Variants in CFAP43 observed in about 807,000 individuals in gnomAD.
CFAP43 encodes cilia- and flagella-associated protein 43.
CFAP43 carries 155 observed loss-of-function variants against 218.9 expected under a neutral mutation model. That is an observed-to-expected ratio of 0.71 (90% CI 0.62 to 0.81). The LOEUF (loss-of-function observed/expected upper bound fraction) is 0.81. Ranked by LOEUF, CFAP43 falls within the 30% of genes least tolerant of loss-of-function variation. CFAP43 has a pLI of 0.00. For missense variants in CFAP43, 1,778 were observed against 1,954.3 expected, an observed-to-expected ratio of 0.91 and a Z score of 1.70; for synonymous variants, 645 against 681.3, an observed-to-expected ratio of 0.95 and a Z score of 0.83.
intron 34 of CFAP43, 48 bp from the exon 35 acceptor site, chr10:104,133,832 G>C: frequency 6.9e-7 from 1 of 1,454,192 alleles, no homozygotes; most frequent in Non-Finnish European, 9.3e-7. Context: ...TCTGCATATA[G>C]AACATAGAAT....
chr10:104,131,715 G>T (rs1431924708), intron 36 of CFAP43, among the ~76,000 whole-genome samples: 2 of 152,106 alleles, frequency 1.3e-5, no homozygotes, highest in Admixed American at 1.3e-4. Context: ...TAAACTGAGA[G>T]AATATTTTAA....
chr10:104,155,713 ATG>A (rs955871638), intron 27 of CFAP43, among the ~76,000 whole-genome samples: 6 of 152,154 alleles, frequency 3.9e-5, no homozygotes, highest in African/African-American at 1.4e-4. Context: ...AGTGGTGAGA[ATG>A]TGAGTCATGT....
intron 37 of CFAP43, 140 bp from the exon 38 acceptor site, chr10:104,130,445 C>A: frequency 2.0e-6 from 2 of 979,928 alleles, no homozygotes; most frequent in Non-Finnish European, 2.9e-6. Flanking sequence ...AGCACTATCA[C>A]AAAAGCAAAG....
rs1259904960 is a variant in CFAP43, at chr10:104,196,925, T to C, written c.1221A>G (p.Thr407=). The change falls in exon 10 of 38, where the codon ACA becomes ACG. Residue 407 remains threonine (T), a synonymous_variant. Coordinates refer to ENST00000357060, the MANE Select transcript of CFAP43 (RefSeq NM_025145.7). ...TPGTQYFMTL[T]YSGEICVWWL... is the part of the protein sequence containing the mutation. ...ACCAAACACAAATTTCCCCTGAATA[T>C]GTAAGTGTCTGTAAAAAAAGAAAAA... is the stretch of plus-strand genomic sequence containing the variant. 11 of 1,608,404 alleles carry C rather than the reference T, an allele frequency of 6.8e-6. No individual in the cohort carries two copies. The highest frequency in any genetic ancestry group is 1.7e-5 in the Admixed American group (1 of 58,742).
intron 17 of CFAP43, among the ~76,000 whole-genome samples, chr10:104,181,285 T>C (rs1429358334): frequency 6.6e-6 from 1 of 152,164 alleles, no homozygotes; most frequent in Non-Finnish European, 1.5e-5. Flanking sequence ...CAGTGAGTTC[T>C]ATCAACCCTA....
intron 33 of CFAP43, among the ~76,000 whole-genome samples, chr10:104,142,053 CT>C (rs1564714334): frequency 6.6e-6 from 1 of 152,154 alleles, no homozygotes; most frequent in Non-Finnish European, 1.5e-5. Context: ...TAAGATTTTT[CT>C]GAAACTTGCT....
At chr10:104,148,048 C>A (rs754865115) in intron 28 of CFAP43, 50 bp from the exon 29 acceptor site, 3 of 1,234,358 alleles carry the variant, frequency 2.4e-6, no homozygotes, top group Non-Finnish European at 3.3e-6. Context: ...CCACCTGAGA[C>A]AATATTTTCT....
At chr10:104,221,192 C>G (rs1589811745) in intron 3 of CFAP43, among the ~76,000 whole-genome samples, 2 of 152,308 alleles carry the variant, frequency 1.3e-5, no homozygotes, top group East Asian at 3.9e-4. Flanking sequence ...CCAGGCTGGT[C>G]TCGAACTCCT....
Position 104,206,098 on chromosome 10 carries a change from A to G in CFAP43, c.896-68T>C, listed in dbSNP as rs1453151300. On this transcript the variant is annotated intron_variant, in intron 6 of 37. Transcript: ENST00000357060. ...AAAGTACAATGTAACAATGAATAATAAAAGCTACTTTTACTGATGTAAATC... is the reference window on the plus strand; with the variant it reads ...AAAGTACAATGTAACAATGAATAATGAAAGCTACTTTTACTGATGTAAATC... The G allele has an allele frequency of 7.2e-6, 9 of 1,258,074 alleles. No homozygotes were observed. The South Asian group carries it at 1.1e-4, about 15-fold the overall frequency. The allele number at this position is 1,258,074 out of a possible 1,614,324, so 77.9% of individuals were successfully genotyped here.
intron 3 of CFAP43, 128 bp from the exon 4 acceptor site, chr10:104,214,554 TTAA>T: frequency 1.2e-6 from 1 of 807,202 alleles, no homozygotes; most frequent in Non-Finnish European, 1.8e-6. Flanking sequence ...ATCAATGACC[TTAA>T]TGTCAAATTT....
At chr10:104,226,715 C>T (rs750974333) in intron 2 of CFAP43, among the ~76,000 whole-genome samples, 10 of 151,846 alleles carry the variant, frequency 6.6e-5, no homozygotes, top group Non-Finnish European at 1.3e-4. Flanking sequence ...CTATACTAGC[C>T]ATAGATTAAA....
intron 2 of CFAP43, among the ~76,000 whole-genome samples, chr10:104,227,334 T>G (rs1000450957): frequency 2.0e-5 from 3 of 152,202 alleles, no homozygotes; most frequent in African/African-American, 2.4e-5. Flanking sequence ...GTGAGTATAC[T>G]GGGTCAAATA....
intron 27 of CFAP43, among the ~76,000 whole-genome samples, chr10:104,159,967 G>A (rs1158719228): frequency 2.0e-5 from 3 of 152,132 alleles, no homozygotes; most frequent in Non-Finnish European, 4.4e-5. Context: ...GTAGCATTGC[G>A]GACCAGCTCT....
At chr10:104,162,101 C>T (rs1489473321) in intron 25 of CFAP43, 60 bp from the exon 26 acceptor site, 13 of 1,545,240 alleles carry the variant, frequency 8.4e-6, no homozygotes, top group Non-Finnish European at 1.1e-5. Context: ...TTCCAGGTGG[C>T]TCCAGAGGCA....
At chr10:104,197,479 C>A (rs1262046770) in intron 9 of CFAP43, among the ~76,000 whole-genome samples, 4 of 152,202 alleles carry the variant, frequency 2.6e-5, no homozygotes, top group African/African-American at 7.2e-5. Context: ...ATGTATTATA[C>A]ATGGCAACTA....
At position 104,133,627 on chromosome 10, in the gene CFAP43, C is replaced by A. The variant is rs745413621; in HGVS notation, c.4589G>T (p.Arg1530Leu). 1.9e-6 allele frequency: 3 copies of A among 1,610,048 alleles called. No homozygotes were observed. Among genetic ancestry groups the A allele is most frequent in the Non-Finnish European group, 2.5e-6 (3 of 1,178,688 alleles). ...GGGGTAGGGAGAATTTACCTTTTGA[C>A]GATCTCTTGAAAAAAATAGCATCTG... ...DIQMLFFSRD[R>L]QKYLNEPNYE... Residue 1530 changes from arginine to leucine, a missense_variant, in exon 35 of 38, where the codon CGT (arginine) becomes CTT (leucine). Transcript: ENST00000357060.
rs764089434 is a variant in CFAP43, at chr10:104,197,971, C to T, written c.1163G>A (p.Gly388Glu). The T allele has an allele frequency of 1.9e-5, 30 of 1,613,782 alleles. No individual in the cohort carries two copies. Among genetic ancestry groups the T allele is most frequent in the Non-Finnish European group, 2.5e-5 (29 of 1,179,792 alleles). The change falls in exon 9 of 38, where the codon GGG becomes GAG. Residue 388 changes from glycine (G) to glutamate (E), a missense_variant. Physicochemically the swap from Gly to Glu is moderately conservative, Grantham distance 98. Around this residue, in one of 3 missense-constraint regions of CFAP43, gnomAD observed 1,553 missense variants for 1,685.2 expected, o/e 0.92. Coordinates refer to ENST00000357060, the MANE Select transcript of CFAP43 (RefSeq NM_025145.7). The part of the protein sequence containing the change: ...TLNKVLDACD[G>E]KFQAIDFITP... Reference sequence around the variant, plus strand: ...GATAAAGTCAATTGCCTGAAATTTCCCATCACAAGCATCTAGGACTTTATT... The same window carrying T: ...GATAAAGTCAATTGCCTGAAATTTCTCATCACAAGCATCTAGGACTTTATT...
intron 34 of CFAP43, among the ~76,000 whole-genome samples, chr10:104,135,480 T>C (rs1589610445): frequency 1.3e-5 from 2 of 152,134 alleles, no homozygotes; most frequent in Non-Finnish European, 2.9e-5. Flanking sequence ...ATAGAGAAAG[T>C]CATATAGAAT....
At chr10:104,200,195 G>T (rs949903734) in intron 8 of CFAP43, among the ~76,000 whole-genome samples, 12 of 152,134 alleles carry the variant, frequency 7.9e-5, no homozygotes, top group Admixed American at 3.9e-4. Flanking sequence ...TAGACATATA[G>T]CTTAGAAGGT....
Sources: allele counts gnomAD v4.1 joint callset (sites outside exome capture counted in the v4.1 genomes callset), GRCh38; gene constraint gnomAD v4.1.1; regional missense constraint gnomAD v4.1.1; transcripts MANE v1.5; gene names NCBI Gene and HGNC (gene_info 2026-07-23, HGNC 2026-07-21).